The following EFCAB13 variants were observed in gnomAD, a reference collection of about 807,000 sequenced individuals.
EFCAB13 encodes EF-hand calcium-binding domain-containing protein 13.
A neutral mutation model predicts 110.2 loss-of-function variants in EFCAB13; 91 were observed. That is an observed-to-expected ratio of 0.83 (90% CI 0.70 to 0.98). The LOEUF is 0.98. Among genes scored for constraint, EFCAB13 ranks in the 50% least tolerant of loss-of-function variants. EFCAB13 has a pLI of 0.00. For synonymous variants in EFCAB13, 323 were observed against 369.9 expected, an observed-to-expected ratio of 0.87 and a Z score of 1.45; for missense variants, 968 against 1,119.4, an observed-to-expected ratio of 0.86 and a Z score of 1.93.
Position 47,409,630 on chromosome 17 carries a change from T to G in EFCAB13, c.2234-17T>G, listed in dbSNP as rs368806097. ...ATGCCATTCCTCATTGTGTAATGTC[T>G]CTCTCTAAATTTGCAGATTTCAGGA... On this transcript the variant is annotated splice_polypyrimidine_tract_variant and intron_variant, in intron 20 of 24. Transcript: ENST00000331493. The G allele has an allele frequency of 8.7e-6, 14 of 1,600,186 alleles. No individual in the cohort carries two copies. The highest frequency in any genetic ancestry group is 1.2e-5 in the Non-Finnish European group (14 of 1,167,616).
Position 47,335,208 on chromosome 17 carries a change from AT to A in EFCAB13, c.45del (p.Ile15MetfsTer4). ...VHLFCQAEENIDLLDDGSNSF... is the reference protein window; with the variant it reads ...VHLFCQAEENXDLLDDGSNSF... ...TTATATTCCCCAGGCAGAGGAAAAT[AT>A]TGACTTATTAGATGATGGCTCTAAT... On this transcript the variant is annotated frameshift_variant, in exon 5 of 25. Transcript: ENST00000331493. LOFTEE classifies it high-confidence loss of function. 1 of 1,601,728 alleles carries A rather than the reference AT, an allele frequency of 6.2e-7. No individual in the cohort carries two copies. Among genetic ancestry groups the A allele is most frequent in the Non-Finnish European group, 8.5e-7 (1 of 1,176,300 alleles).
intron 8 of EFCAB13, among the ~76,000 whole-genome samples, chr17:47,345,429 G>A (rs2065409610): frequency 6.6e-6 from 1 of 152,038 alleles, no homozygotes; most frequent in African/African-American, 2.4e-5. Context: ...TTAGTCTTTG[G>A]TATCTTAGTA....
chr17:47,402,567 A>C (rs1451857270), intron 18 of EFCAB13, among the ~76,000 whole-genome samples: 2 of 152,288 alleles, frequency 1.3e-5, no homozygotes, highest in African/African-American at 2.4e-5. Flanking sequence ...AAGATTTTAG[A>C]GGTGGAATAG....
intron 9 of EFCAB13, among the ~76,000 whole-genome samples, chr17:47,354,015 T>C (rs1264884878): frequency 2.0e-5 from 3 of 152,210 alleles, no homozygotes; most frequent in African/African-American, 7.2e-5. Context: ...AGTCATTTTA[T>C]GCTATTAACT....
At position 47,422,358 on chromosome 17, in the gene EFCAB13, G is replaced by C. The variant is rs142185803; in HGVS notation, c.2494+7439G>C. 3.3e-5 allele frequency among the ~76,000 whole-genome samples: 5 copies of C among 152,216 alleles called. No individual in the cohort carries two copies. The East Asian group carries it at 9.6e-4, about 29-fold the overall frequency. On this transcript the variant is annotated intron_variant, in intron 23 of 24. Transcript: ENST00000331493. ...AAGAATGTCTACTATCATCACTTCT[G>C]TTCAACCGTGTACTGGAAGTCCTAG...
intron 8 of EFCAB13, among the ~76,000 whole-genome samples, chr17:47,347,255 G>A (rs918159919): frequency 2.0e-5 from 3 of 152,150 alleles, no homozygotes; most frequent in Admixed American, 1.3e-4. Context: ...ATTCCAGCCT[G>A]AGCAACAGAG....
intron 17 of EFCAB13, 56 bp downstream of exon 17, chr17:47,396,033 T>C (rs1369228724): frequency 7.0e-7 from 1 of 1,434,710 alleles, no homozygotes; most frequent in Non-Finnish European, 9.4e-7. Flanking sequence ...CTTTATTTTC[T>C]GTCAACTCTT....
chr17:47,392,293 A>C (rs1425270142), intron 15 of EFCAB13, among the ~76,000 whole-genome samples: 1 of 152,248 alleles, frequency 6.6e-6, no homozygotes, highest in East Asian at 1.9e-4. Flanking sequence ...GTAGATTCAG[A>C]GACCCAAGAC....
Position 47,377,838 on chromosome 17 carries a change from C to T in EFCAB13, c.1445C>T (p.Pro482Leu), listed in dbSNP as rs752934004. ...GCAGAAGAACTTCAGTCTATTTTGC[C>T]TTCAACAGGAATTAATTTATTAGAT... Reference protein sequence around the residue: ...IAAEELQSILPSTGINLLDEE... With the variant: ...IAAEELQSILLSTGINLLDEE... The change falls in exon 13 of 25, where the codon CCT (proline) becomes CTT (leucine). Residue 482 changes from proline (P) to leucine (L), a missense_variant. Coordinates refer to ENST00000331493, the MANE Select transcript of EFCAB13 (RefSeq NM_152347.5). 4.4e-6 allele frequency: 7 copies of T among 1,597,216 alleles called. No homozygotes were observed. Among genetic ancestry groups the T allele is most frequent in the Non-Finnish European group, 6.0e-6 (7 of 1,175,720 alleles).
At chr17:47,347,732 T>C in intron 8 of EFCAB13, 76 bp from the exon 9 acceptor site, 2 of 1,186,900 alleles carry the variant, frequency 1.7e-6, no homozygotes, top group Non-Finnish European at 2.2e-6. Flanking sequence ...TGATTATTAT[T>C]TTTTTGAGAG....
At chr17:47,372,008 A>G (rs546608880) in intron 11 of EFCAB13, among the ~76,000 whole-genome samples, 1 of 152,336 alleles carries the variant, frequency 6.6e-6, no homozygotes, top group African/African-American at 2.4e-5. Context: ...TAATTTATAA[A>G]GGAAAGACAT....
chr17:47,397,353 G>T (rs929846964), intron 17 of EFCAB13, among the ~76,000 whole-genome samples: 1 of 152,100 alleles, frequency 6.6e-6, no homozygotes, highest in South Asian at 2.1e-4. Context: ...GCATGATCTC[G>T]GCTCGCTACA....
intron 2 of EFCAB13, among the ~76,000 whole-genome samples, chr17:47,325,130 C>A (rs1298952095): frequency 6.7e-6 from 1 of 148,248 alleles, no homozygotes; most frequent in Non-Finnish European, 1.5e-5. Flanking sequence ...AAAAGATCCT[C>A]CTGGCTCAGT....
intron 15 of EFCAB13, among the ~76,000 whole-genome samples, chr17:47,392,515 G>A (rs1034161999): frequency 2.6e-5 from 4 of 152,104 alleles, no homozygotes; most frequent in Admixed American, 1.3e-4. Flanking sequence ...TTATAAAGCC[G>A]TAGTGACTAA....
At chr17:47,377,066 T>A (rs2065619475) in intron 12 of EFCAB13, among the ~76,000 whole-genome samples, 1 of 152,192 alleles carries the variant, frequency 6.6e-6, no homozygotes, top group Non-Finnish European at 1.5e-5. Context: ...CATGGTAGAG[T>A]AAATTAATGG....
At chr17:47,351,542 A>T (rs1280919290) in intron 9 of EFCAB13, among the ~76,000 whole-genome samples, 1 of 151,792 alleles carries the variant, frequency 6.6e-6, no homozygotes, top group Non-Finnish European at 1.5e-5. Context: ...ACTGCTTTCC[A>T]TTTTTTCATA....
chr17:47,389,724 A>C (rs2065695876), intron 14 of EFCAB13, among the ~76,000 whole-genome samples: 1 of 151,746 alleles, frequency 6.6e-6, no homozygotes, highest in Non-Finnish European at 1.5e-5. Context: ...TCTGCATTCC[A>C]TGTGGTATTG....
intron 6 of EFCAB13, among the ~76,000 whole-genome samples, chr17:47,343,551 G>A (rs1258972572): frequency 6.6e-6 from 1 of 152,010 alleles, no homozygotes; most frequent in East Asian, 1.9e-4. Context: ...CTTGTGTAAC[G>A]TGAGAGTCTT....
intron 5 of EFCAB13, among the ~76,000 whole-genome samples, chr17:47,340,274 C>G (rs1156476251): frequency 6.7e-6 from 1 of 148,898 alleles, no homozygotes; most frequent in Non-Finnish European, 1.5e-5. Flanking sequence ...TCTTGCCTTT[C>G]TATATGAACT....
Sources: allele counts gnomAD v4.1 joint callset (sites outside exome capture counted in the v4.1 genomes callset), GRCh38; gene constraint gnomAD v4.1.1; transcripts MANE v1.5; gene names NCBI Gene and HGNC (gene_info 2026-07-23, HGNC 2026-07-21).